The following TADA2A variants were observed in gnomAD, a reference collection of about 807,000 sequenced individuals.
TADA2A encodes the protein transcriptional adaptor 2A, also known as transcriptional adapter 2-alpha.
A neutral mutation model predicts 67.4 loss-of-function variants in TADA2A; 38 were observed. The observed-to-expected ratio is 0.56, with a 90% CI of 0.44 to 0.74. The LOEUF (loss-of-function observed/expected upper bound fraction) is 0.74, where lower values mean the gene tolerates loss of function less well. TADA2A is among the 30% of genes least tolerant of loss of function. The pLI is 0.00. For synonymous variants in TADA2A, 192 were observed against 181.6 expected (o/e 1.06, Z -0.46); for missense variants, 454 against 547.0 (o/e 0.83, Z 1.70).
intron 2 of TADA2A, among the ~76,000 whole-genome samples, chr17:37,415,070 C>T (rs983729614): frequency 6.6e-6 from 1 of 151,536 alleles, no homozygotes; most frequent in African/African-American, 2.4e-5. Context: ...TTTTTGTATA[C>T]GGGATTTCAC....
intron 1 of TADA2A, 139 bp downstream of exon 1, chr17:37,407,088 G>T: frequency 6.9e-6 from 1 of 144,904 alleles, no homozygotes; most frequent in South Asian, 1.9e-4. Context: ...CGGCGGGCTT[G>T]ACGCGGCAGG....
At chr17:37,446,104 T>G (rs200174339) in intron 8 of TADA2A, among the ~76,000 whole-genome samples, 70 of 53,288 alleles carry the variant, frequency 1.3e-3, no homozygotes, top group African/African-American at 4.3e-3. Flanking sequence ...TTTGGGGGGG[T>G]TTTTTTTTTT....
At chr17:37,409,895 C>T (rs996651062) in intron 1 of TADA2A, among the ~76,000 whole-genome samples, 2 of 151,902 alleles carry the variant, frequency 1.3e-5, no homozygotes, top group Non-Finnish European at 2.9e-5. Flanking sequence ...TGGTGGCTCA[C>T]ACTTGTAATC....
At position 37,444,718 on chromosome 17, in the gene TADA2A, G is replaced by A; in HGVS notation, c.554G>A (p.Trp185Ter). The change falls in exon 8 of 16, where the codon TGG becomes TAG. Residue 185 changes from tryptophan (W) to a stop codon, truncating the protein, a stop_gained. Coordinates refer to ENST00000615182, the MANE Select transcript of TADA2A (RefSeq NM_001166105.3). LOFTEE classifies it high-confidence loss of function. ...FIEEFDNYAE[W>*]DLRDIDFVED... ...CAGGAATTTGACAATTATGCAGAAT[G>A]GGACTTGAGAGACATTGATTTTGTT... 2 of 1,614,024 alleles carry A rather than the reference G, an allele frequency of 1.2e-6. No homozygotes were observed. Among genetic ancestry groups the A allele is most frequent in the East Asian group, 4.5e-5 (2 of 44,874 alleles).
intron 6 of TADA2A, 40 bp from the exon 7 acceptor site, chr17:37,442,524 A>G (rs1285668785): frequency 1.3e-6 from 2 of 1,487,260 alleles, no homozygotes; most frequent in Non-Finnish European, 1.9e-6. Flanking sequence ...TCATGCCAAT[A>G]TTGTATTAGT....
intron 4 of TADA2A, among the ~76,000 whole-genome samples, chr17:37,433,955 A>G (rs1171499715): frequency 6.8e-6 from 1 of 147,848 alleles, no homozygotes; most frequent in African/African-American, 2.5e-5. Flanking sequence ...CTTGGTCTCA[A>G]AAAAAAAAAA....
chr17:37,443,196 T>C (rs575493610), intron 7 of TADA2A, among the ~76,000 whole-genome samples: 2 of 151,134 alleles, frequency 1.3e-5, no homozygotes, highest in Non-Finnish European at 2.9e-5. Flanking sequence ...ACCCACCTCT[T>C]AAGTTGCATC....
intron 11 of TADA2A, chr17:37,465,792 G>A: frequency 3.5e-6 from 2 of 579,164 alleles, no homozygotes; most frequent in East Asian, 5.8e-5. Flanking sequence ...TTTGTATCAT[G>A]GGAACTTTCA....
At chr17:37,416,701 C>T (rs1480569532) in intron 2 of TADA2A, among the ~76,000 whole-genome samples, 1 of 151,854 alleles carries the variant, frequency 6.6e-6, no homozygotes. Flanking sequence ...GCCATCTCTA[C>T]TGAAAATACA....
chr17:37,440,354 C>A (rs1417347856), intron 5 of TADA2A, 151 bp from the exon 6 acceptor site: 2 of 899,584 alleles, frequency 2.2e-6, no homozygotes, highest in South Asian at 1.9e-5. Flanking sequence ...ATATTTATGT[C>A]ATTTTTCTGC....
intron 2 of TADA2A, among the ~76,000 whole-genome samples, chr17:37,418,722 G>T (rs1438442012): frequency 1.3e-5 from 2 of 151,038 alleles, no homozygotes; most frequent in African/African-American, 2.4e-5. Context: ...CTCCTGAGTA[G>T]CTGGGATTAG....
In TADA2A at chr17:37,478,926, T is replaced by G. The variant is rs2053939187; in HGVS notation, c.*1944T>G. ...ATGACGTGGAAATGACCTGTTTTCC[T>G]TGTAAAATCATATCTCGTAGAAAAC... On this transcript the variant is annotated 3_prime_UTR_variant, in exon 16 of 16. Coordinates refer to ENST00000615182, the MANE Select transcript of TADA2A (RefSeq NM_001166105.3). 1 of 152,224 alleles carries G rather than the reference T, an allele frequency of 6.6e-6. No individual in the cohort carries two copies. The highest frequency in any genetic ancestry group is 1.5e-5 in the Non-Finnish European group (1 of 68,044). 9.4% of individuals were successfully genotyped at this position (152,224 alleles called of 1,614,324 possible). A position where few individuals can be genotyped will look rare whatever the true frequency, so the allele number is the denominator to read the frequency against.
rs766796401 is a variant in TADA2A, at chr17:37,470,500, T to C, written c.996T>C (p.Ala332=). The C allele has an allele frequency of 1.9e-6, 3 of 1,586,914 alleles. No individual in the cohort carries two copies. In the Admixed American group the frequency reaches 5.6e-5, roughly 30 times the overall value. Residue 332 remains alanine, a synonymous_variant, in exon 13 of 16, where the codon GCT becomes GCC. Transcript: ENST00000615182. ...TCCAGTATATCCAGGACAGTAGTGCTTGCCAGCAGTGGCTCCGCCGGCAAG... is the reference window on the plus strand; with the variant it reads ...TCCAGTATATCCAGGACAGTAGTGCCTGCCAGCAGTGGCTCCGCCGGCAAG... The part of the protein sequence containing the change: ...EVLQYIQDSS[A]CQQWLRRQAD...
At chr17:37,455,496 C>T (rs1191493308) in intron 8 of TADA2A, among the ~76,000 whole-genome samples, 2 of 152,080 alleles carry the variant, frequency 1.3e-5, no homozygotes, top group Non-Finnish European at 2.9e-5. Flanking sequence ...ATTCTGCTGC[C>T]TCAGCCTCCT....
intron 1 of TADA2A, among the ~76,000 whole-genome samples, chr17:37,409,073 C>G (rs2051772127): frequency 6.6e-6 from 1 of 152,094 alleles, no homozygotes; most frequent in African/African-American, 2.4e-5. Context: ...CCGATATAGT[C>G]TCTGCTTTCA....
At chr17:37,433,243 G>A (rs1035576457) in intron 4 of TADA2A, among the ~76,000 whole-genome samples, 5 of 151,942 alleles carry the variant, frequency 3.3e-5, no homozygotes, top group Admixed American at 6.6e-5. Flanking sequence ...GTGAGCCACC[G>A]TGCCCAGCCA....
In TADA2A at chr17:37,479,342, A is replaced by G. The variant is rs1259299297; in HGVS notation, c.*2360A>G. 6.6e-6 allele frequency: 1 copy of G among 152,222 alleles called. No homozygotes were observed. The highest frequency in any genetic ancestry group is 1.5e-5 in the Non-Finnish European group (1 of 68,034). 9.4% of individuals were successfully genotyped at this position (152,222 alleles called of 1,614,324 possible). A position where few individuals can be genotyped will look rare whatever the true frequency, so the allele number is the denominator to read the frequency against. ...CTGACAGAAACCTTGGAAACAGTTG[A>G]ACTCTGAAAAGCTGATGGCAAATCA... On this transcript the variant is annotated 3_prime_UTR_variant, in exon 16 of 16. Transcript: ENST00000615182.
chr17:37,428,987 A>G (rs996143023), intron 4 of TADA2A, among the ~76,000 whole-genome samples: 1 of 148,236 alleles, frequency 6.7e-6, no homozygotes, highest in African/African-American at 2.5e-5. Flanking sequence ...CAGAGCTTGT[A>G]TTGAGCCAAG....
Position 37,423,493 on chromosome 17 carries a change from T to A in TADA2A, c.26-16T>A. The A allele has an allele frequency of 6.3e-7, 1 of 1,585,894 alleles. No individual in the cohort carries two copies. ...AAGGTGGTCTGAAATGTGCATTTGT[T>A]TTCTGTTTGTTCTAGATGATCCCTC... is the stretch of plus-strand genomic sequence containing the variant. On this transcript the variant is annotated splice_polypyrimidine_tract_variant and intron_variant, in intron 2 of 15. Coordinates refer to ENST00000615182, the MANE Select transcript of TADA2A (RefSeq NM_001166105.3).
Sources: allele counts gnomAD v4.1 joint callset (sites outside exome capture counted in the v4.1 genomes callset), GRCh38; gene constraint gnomAD v4.1.1; transcripts MANE v1.5; gene names NCBI Gene and HGNC (gene_info 2026-07-23, HGNC 2026-07-21).